The following NAV2 variants were observed in gnomAD, a reference collection of about 807,000 sequenced individuals.
NAV2 encodes the protein helicase, APC down-regulated 1.
Under a neutral mutation model 223.2 loss-of-function variants are expected in NAV2, and 54 were observed. The ratio of observed to expected loss-of-function variants is 0.24; its 90% confidence interval spans 0.19 to 0.30. NAV2 has a LOEUF of 0.30. Ranked by LOEUF, NAV2 falls within the 10% of genes least tolerant of loss-of-function variation. The pLI, the probability that NAV2 is intolerant of heterozygous loss-of-function variation, is 1.00. For synonymous variants in NAV2, 1,279 were observed against 1,239.3 expected, an observed-to-expected ratio of 1.03 and a Z score of -0.67; for missense variants, 2,806 against 3,147.5, an observed-to-expected ratio of 0.89 and a Z score of 2.60.
intron 1 of NAV2, among the ~76,000 whole-genome samples, chr11:19,552,034 G>A (rs1371271119): frequency 6.6e-6 from 1 of 152,122 alleles, no homozygotes; most frequent in Non-Finnish European, 1.5e-5. Flanking sequence ...AGGAGGACGG[G>A]GGAGGCAGTG....
chr11:19,412,505 C>T (rs1189753365), intron 1 of NAV2, among the ~76,000 whole-genome samples: 1 of 151,536 alleles, frequency 6.6e-6, no homozygotes, highest in Admixed American at 6.6e-5. Flanking sequence ...TTTCAGCAGA[C>T]TTAAACGTCT....
intron 25 of NAV2, among the ~76,000 whole-genome samples, chr11:20,082,131 A>G (rs1410778090): frequency 1.3e-5 from 2 of 152,220 alleles, no homozygotes; most frequent in African/African-American, 4.8e-5. Flanking sequence ...ATCTTCTTAT[A>G]TACACAAATA....
chr11:19,641,010 A>G (rs1359755350), intron 1 of NAV2, among the ~76,000 whole-genome samples: 3 of 152,190 alleles, frequency 2.0e-5, no homozygotes, highest in East Asian at 3.9e-4. Flanking sequence ...GAACACAACC[A>G]GGATCAGAGC....
intron 3 of NAV2, among the ~76,000 whole-genome samples, chr11:19,850,162 AGGACTGATCTCCC>A (rs2061035146): frequency 6.6e-6 from 1 of 152,222 alleles, no homozygotes; most frequent in Non-Finnish European, 1.5e-5. Flanking sequence ...AGTCTGCCAC[AGGACTGATCTCCC>A]GCTTGCCCCT....
intron 8 of NAV2, among the ~76,000 whole-genome samples, chr11:19,940,253 CA>C (rs947720464): frequency 2.8e-3 from 399 of 144,904 alleles, no homozygotes; most frequent in Non-Finnish European, 4.5e-3. Context: ...TTACCAGAAA[CA>C]AAAAAAAAAT....
chr11:19,860,073 CGGCT>C (rs2061639311), intron 3 of NAV2, among the ~76,000 whole-genome samples: 1 of 109,718 alleles, frequency 9.1e-6, no homozygotes, highest in Non-Finnish European at 1.9e-5. Flanking sequence ...CTGGACGGGG[CGGCT>C]GGCCGGGCAG....
intron 1 of NAV2, among the ~76,000 whole-genome samples, chr11:19,794,682 C>G (rs2057772960): frequency 6.6e-6 from 1 of 152,072 alleles, no homozygotes; most frequent in South Asian, 2.1e-4. Context: ...GTTATGCCCT[C>G]TTGTGATGGG....
At chr11:19,741,685 G>GTATA (rs751946530) in intron 1 of NAV2, among the ~76,000 whole-genome samples, 15 of 131,850 alleles carry the variant, frequency 1.1e-4, no homozygotes, top group African/African-American at 4.1e-4. Flanking sequence ...ATGTGTGTGT[G>GTATA]TGTATATATA....
At chr11:19,867,912 T>G (rs1013709417) in intron 3 of NAV2, among the ~76,000 whole-genome samples, 1 of 152,206 alleles carries the variant, frequency 6.6e-6, no homozygotes, top group African/African-American at 2.4e-5. Context: ...GTGTAGACAC[T>G]TTACATTTTC....
chr11:19,807,003 G>A (rs994909287), intron 1 of NAV2, among the ~76,000 whole-genome samples: 2 of 152,178 alleles, frequency 1.3e-5, no homozygotes, highest in African/African-American at 4.8e-5. Context: ...TGAGGCCCAG[G>A]CATCTGTGTT....
At chr11:19,358,743 T>A (rs1241903475) in intron 1 of NAV2, among the ~76,000 whole-genome samples, 1 of 152,152 alleles carries the variant, frequency 6.6e-6, no homozygotes, top group Admixed American at 6.5e-5. Context: ...TCAGACCCCC[T>A]CTTCCCACCT....
chr11:20,032,851 A>T (rs551047173), intron 11 of NAV2, among the ~76,000 whole-genome samples: 1 of 152,224 alleles, frequency 6.6e-6, no homozygotes, highest in Non-Finnish European at 1.5e-5. Context: ...GTCAGGAGGT[A>T]TTTAAGGAGC....
intron 10 of NAV2, among the ~76,000 whole-genome samples, chr11:19,963,557 G>A (rs866222103): frequency 8.5e-5 from 13 of 152,208 alleles, no homozygotes; most frequent in African/African-American, 2.4e-4. Context: ...ATTTGGAAGG[G>A]TAAGGTACAG....
At chr11:19,395,850 T>C (rs1463927126) in intron 1 of NAV2, among the ~76,000 whole-genome samples, 2 of 152,198 alleles carry the variant, frequency 1.3e-5, no homozygotes, top group Non-Finnish European at 2.9e-5. Context: ...GTTCCTTCAA[T>C]TATAAGAGGT....
intron 22 of NAV2, among the ~76,000 whole-genome samples, chr11:20,076,383 A>G (rs1232586116): frequency 6.6e-6 from 1 of 152,200 alleles, no homozygotes; most frequent in Non-Finnish European, 1.5e-5. Context: ...CAAGGTAGAC[A>G]TGGTGTCAGT....
chr11:19,751,858 G>A (rs1379471199), intron 1 of NAV2, among the ~76,000 whole-genome samples: 1 of 152,180 alleles, frequency 6.6e-6, no homozygotes, highest in Non-Finnish European at 1.5e-5. Flanking sequence ...AATCTCAGCT[G>A]TATTCTACTC....
chr11:19,581,126 C>T (rs1183866643), intron 1 of NAV2, among the ~76,000 whole-genome samples: 4 of 152,142 alleles, frequency 2.6e-5, no homozygotes, highest in Non-Finnish European at 5.9e-5. Context: ...TTTGCTTTAT[C>T]TTGTCGATTT....
chr11:19,634,891 ATGT>A (rs778851180), intron 1 of NAV2, among the ~76,000 whole-genome samples: 97 of 152,324 alleles, frequency 6.4e-4, no homozygotes, highest in Admixed American at 1.4e-3. Context: ...AAAGGGGAAA[ATGT>A]TGTAGAAGAG....
intron 1 of NAV2, among the ~76,000 whole-genome samples, chr11:19,762,035 G>T (rs2054794997): frequency 6.6e-6 from 1 of 152,176 alleles, no homozygotes; most frequent in Admixed American, 6.5e-5. Context: ...CTGAGGTCAG[G>T]AGTTCAAGAC....
Sources: gnomAD v4.1 joint callset for allele counts (sites outside exome capture counted in the v4.1 genomes callset) on GRCh38, gnomAD v4.1.1 for gene constraint, MANE v1.5 for transcripts, NCBI Gene and HGNC (gene_info 2026-07-23, HGNC 2026-07-21) for gene names.